The following TOX variants were observed in gnomAD, a reference collection of about 807,000 sequenced individuals.
TOX encodes thymocyte selection-associated high mobility group box protein TOX.
A neutral mutation model predicts 53.7 loss-of-function variants in TOX; 11 were observed. That is an observed-to-expected ratio of 0.20 (90% confidence interval 0.13 to 0.34). The LOEUF is 0.34. TOX is among the 10% of genes least tolerant of loss of function. TOX has a pLI of 1.00. For synonymous variants in TOX, 225 were observed against 245.3 expected, an observed-to-expected ratio of 0.92 and a Z score of 0.77; for missense variants, 570 against 664.6, an observed-to-expected ratio of 0.86 and a Z score of 1.56.
At chr8:58,853,492 T>C (rs1810860569) in intron 3 of TOX, among the ~76,000 whole-genome samples, 1 of 152,052 alleles carries the variant, frequency 6.6e-6, no homozygotes, top group Non-Finnish European at 1.5e-5. Context: ...AATAAGTATA[T>C]AAATAATTAT....
At chr8:59,100,115 C>T (rs1804781553) in intron 1 of TOX, among the ~76,000 whole-genome samples, 1 of 135,726 alleles carries the variant, frequency 7.4e-6, no homozygotes, top group Non-Finnish European at 1.6e-5. Context: ...CTTAATCAAC[C>T]TCTTTCAGGG....
intron 1 of TOX, among the ~76,000 whole-genome samples, chr8:59,083,580 A>G (rs763418518): frequency 1.3e-4 from 20 of 152,188 alleles, no homozygotes; most frequent in Non-Finnish European, 1.9e-4. Flanking sequence ...GAGAATGATT[A>G]TATTTTATTT....
chr8:58,902,056 G>C (rs964724369), intron 3 of TOX, among the ~76,000 whole-genome samples: 2 of 151,994 alleles, frequency 1.3e-5, no homozygotes, highest in Non-Finnish European at 2.9e-5. Context: ...TCATTTTCTT[G>C]ATTCTGGTAA....
At chr8:58,988,814 T>C (rs1034406691) in intron 1 of TOX, among the ~76,000 whole-genome samples, 4 of 152,234 alleles carry the variant, frequency 2.6e-5, no homozygotes, top group South Asian at 2.1e-4. Flanking sequence ...ATTTGACTTA[T>C]GGTGTACATG....
intron 3 of TOX, among the ~76,000 whole-genome samples, chr8:58,876,153 T>C (rs1811279668): frequency 6.6e-6 from 1 of 152,042 alleles, no homozygotes; most frequent in Non-Finnish European, 1.5e-5. Flanking sequence ...TAGTGTACAA[T>C]CTTGTTTTTT....
At chr8:58,962,465 C>G (rs1209126968) in intron 1 of TOX, among the ~76,000 whole-genome samples, 2 of 152,166 alleles carry the variant, frequency 1.3e-5, no homozygotes, top group East Asian at 3.8e-4. Context: ...AAGCTAGATG[C>G]TTCAAGCTAC....
In TOX at chr8:58,851,434, G is replaced by A. The variant is rs543442993; in HGVS notation, c.693+90C>T. 2.3e-3 allele frequency: 3,348 copies of A among 1,430,026 alleles called. 5 individuals are homozygous for A. Among genetic ancestry groups the A allele is most frequent in the Non-Finnish European group, 2.9e-3 (3,070 of 1,042,458 alleles). 88.6% of individuals were successfully genotyped at this position (1,430,026 alleles called of 1,614,324 possible). A position where few individuals can be genotyped will look rare whatever the true frequency, so the allele number is the denominator to read the frequency against. On this transcript the variant is annotated intron_variant, in intron 4 of 8. Transcript: ENST00000361421. The surrounding 1 kb of genome is among the most constrained non-coding windows in gnomAD (Gnocchi z 4.4). ...CAGGTGTCTCCCTCCAATGTTTCTC[G>A]CATGGATGATATAAACTTGTACCCA... is the stretch of plus-strand genomic sequence containing the variant.
intron 3 of TOX, among the ~76,000 whole-genome samples, chr8:58,929,141 T>A (rs971156741): frequency 6.6e-6 from 1 of 152,158 alleles, no homozygotes; most frequent in Non-Finnish European, 1.5e-5. Context: ...GGAATTTGTA[T>A]AGTCCATTAA....
At chr8:58,827,473 C>T (rs185232649) in intron 5 of TOX, among the ~76,000 whole-genome samples, 218 of 152,260 alleles carry the variant, frequency 1.4e-3, no homozygotes, top group African/African-American at 5.0e-3. Context: ...ATTAAGGACA[C>T]GTTTGGGAGA....
intron 1 of TOX, among the ~76,000 whole-genome samples, chr8:59,083,144 G>A (rs936536281): frequency 6.6e-6 from 1 of 152,078 alleles, no homozygotes; most frequent in African/African-American, 2.4e-5. Flanking sequence ...TGTCTTAATA[G>A]GCTAAAATTA....
intron 1 of TOX, among the ~76,000 whole-genome samples, chr8:59,093,077 A>T (rs1490706510): frequency 6.6e-6 from 1 of 152,150 alleles, no homozygotes; most frequent in Admixed American, 6.5e-5. Flanking sequence ...CAGCAAGAAA[A>T]CGTCACAAGA....
chr8:58,908,287 C>G (rs1189594948), intron 3 of TOX, among the ~76,000 whole-genome samples: 1 of 152,278 alleles, frequency 6.6e-6, no homozygotes, highest in East Asian at 1.9e-4. Context: ...ACCTTTTACA[C>G]GTAACCCAGC....
intron 3 of TOX, among the ~76,000 whole-genome samples, chr8:58,933,410 C>A (rs1812290730): frequency 6.6e-6 from 1 of 152,148 alleles, no homozygotes; most frequent in Non-Finnish European, 1.5e-5. Flanking sequence ...CTTATTCTAC[C>A]TTTCTGCTAA....
At chr8:58,817,958 G>T (rs1303404345) in intron 6 of TOX, among the ~76,000 whole-genome samples, 3 of 152,030 alleles carry the variant, frequency 2.0e-5, no homozygotes, top group Non-Finnish European at 4.4e-5. Flanking sequence ...AATAAACAAT[G>T]AATTTAATTT....
At chr8:58,903,418 T>C (rs1811762105) in intron 3 of TOX, among the ~76,000 whole-genome samples, 1 of 152,210 alleles carries the variant, frequency 6.6e-6, no homozygotes, top group Non-Finnish European at 1.5e-5. Flanking sequence ...ACTGTGTAAT[T>C]ATATCCTATT....
intron 1 of TOX, among the ~76,000 whole-genome samples, chr8:59,036,089 A>T (rs1490188316): frequency 6.6e-6 from 1 of 152,238 alleles, no homozygotes; most frequent in East Asian, 1.9e-4. Flanking sequence ...TAGCAGTTGT[A>T]TTCAGAGTAT....
chr8:59,054,468 A>G (rs1237482439), intron 1 of TOX, among the ~76,000 whole-genome samples: 2 of 152,194 alleles, frequency 1.3e-5, no homozygotes, highest in Non-Finnish European at 2.9e-5. Context: ...AATGGCTTCT[A>G]TGATTTGTAT....
chr8:59,031,829 A>G (rs1814362555), intron 1 of TOX, among the ~76,000 whole-genome samples: 1 of 152,210 alleles, frequency 6.6e-6, no homozygotes, highest in Admixed American at 6.5e-5. Context: ...ACTAATAAAT[A>G]AACCAGAGAA....
chr8:59,008,381 G>A (rs897124228), intron 1 of TOX, among the ~76,000 whole-genome samples: 2 of 152,326 alleles, frequency 1.3e-5, no homozygotes, highest in South Asian at 4.1e-4. Flanking sequence ...GAGTTCCATC[G>A]TATGTACTTA....
Sources: allele counts gnomAD v4.1 joint callset (sites outside exome capture counted in the v4.1 genomes callset), GRCh38; gene constraint gnomAD v4.1.1; non-coding constraint Gnocchi (gnomAD v3.1); transcripts MANE v1.5; gene names NCBI Gene and HGNC (gene_info 2026-07-23, HGNC 2026-07-21).